Variants in HSDL2 observed in about 807,000 individuals in gnomAD.
The protein encoded by HSDL2 is hydroxysteroid dehydrogenase-like protein 2.
HSDL2 carries 27 observed loss-of-function variants against 46.3 expected under a neutral mutation model. The ratio of observed to expected loss-of-function variants is 0.58; its 90% confidence interval spans 0.43 to 0.80. The LOEUF (loss-of-function observed/expected upper bound fraction) is 0.80. Ranked by LOEUF, HSDL2 falls within the 30% of genes least tolerant of loss-of-function variation. The pLI is 0.00. For missense variants in HSDL2, 451 were observed against 502.7 expected (o/e 0.90, Z 0.98); for synonymous variants, 153 against 163.6 (o/e 0.94, Z 0.50).
intron 1 of HSDL2, among the ~76,000 whole-genome samples, chr9:112,384,425 G>A (rs1831175814): frequency 6.6e-6 from 1 of 152,156 alleles, no homozygotes; most frequent in Non-Finnish European, 1.5e-5. Context: ...TCTGAGTGAG[G>A]AAGAAAATGC....
chr9:112,391,203 T>TAATAATG (rs1831336816), intron 1 of HSDL2, among the ~76,000 whole-genome samples: 1 of 128,352 alleles, frequency 7.8e-6, no homozygotes. Flanking sequence ...TAATAATAAT[T>TAATAATG]TTCTATAATC....
In HSDL2 at chr9:112,457,904, A is replaced by G. The variant is rs114244917; in HGVS notation, c.1016-1545A>G. ...GAACTATCCCAACACCATCCTTACT[A>G]GCCCTCTGCATCCTTTTGATTTCTC... On this transcript the variant is annotated intron_variant, in intron 9 of 10. Coordinates refer to ENST00000398805, the MANE Select transcript of HSDL2 (RefSeq NM_032303.5). 7.3e-3 allele frequency among the ~76,000 whole-genome samples: 1,109 copies of G among 152,250 alleles called. 18 individuals are homozygous for G. The highest frequency in any genetic ancestry group is 0.025 in the African/African-American group (1,043 of 41,548).
At chr9:112,458,460 G>C (rs745560809) in intron 9 of HSDL2, among the ~76,000 whole-genome samples, 57 of 151,184 alleles carry the variant, frequency 3.8e-4, no homozygotes, top group Non-Finnish European at 7.5e-4. Context: ...CAAGTAGCTG[G>C]GATTATAGGC....
chr9:112,395,742 C>T (rs555291941), intron 1 of HSDL2, among the ~76,000 whole-genome samples: 3 of 152,302 alleles, frequency 2.0e-5, no homozygotes, highest in East Asian at 1.9e-4. Context: ...CATTAATGGC[C>T]CTTAAAGCAG....
Position 112,403,966 on chromosome 9 carries a change from CTAATAAGGTCG to C in HSDL2, c.18-26_18-16del. ...GTCAGTAAATAAAACATTGGGTCTT[CTAATAAGGTCG>C]TATTTGTTCTGTTGTAGGAGGCTGG... is the stretch of plus-strand genomic sequence containing the variant. On this transcript the variant is annotated intron_variant, in intron 1 of 10. Transcript: ENST00000398805. 1 of 1,598,996 alleles carries C rather than the reference CTAATAAGGTCG, an allele frequency of 6.3e-7. No homozygotes were observed. The highest frequency in any genetic ancestry group is 8.5e-7 in the Non-Finnish European group (1 of 1,170,020).
intron 7 of HSDL2, among the ~76,000 whole-genome samples, chr9:112,440,489 TTAAA>T (rs1044997005): frequency 1.3e-5 from 2 of 152,288 alleles, no homozygotes; most frequent in Non-Finnish European, 2.9e-5. Context: ...TTTGTGGCCT[TTAAA>T]TCTTCTAGTG....
In HSDL2 at chr9:112,470,554, TA is replaced by T. The variant is rs3832711; in HGVS notation, c.*19del. 2,100 of 1,486,318 alleles carry T rather than the reference TA, an allele frequency of 1.4e-3. 23 individuals are homozygous for T. In the East Asian group the frequency reaches 0.032, roughly 22 times the overall value. 92.1% of individuals were successfully genotyped at this position (1,486,318 alleles called of 1,614,324 possible). A position where few individuals can be genotyped will look rare whatever the true frequency, so the allele number is the denominator to read the frequency against. The stretch of plus-strand genomic sequence containing the variant: ...GAATGCCAGACTGTGAAGGAAAATA[TA>T]AAAAAAAAGTCGACTGCTATGCTCA... On this transcript the variant is annotated 3_prime_UTR_variant, in exon 11 of 11. Transcript: ENST00000398805.
chr9:112,457,761 C>T (rs1833075499), intron 9 of HSDL2, among the ~76,000 whole-genome samples: 1 of 152,188 alleles, frequency 6.6e-6, no homozygotes, highest in African/African-American at 2.4e-5. Context: ...CCACCTTTTC[C>T]TCTTCATATG....
At chr9:112,463,261 T>C (rs1212844167) in intron 10 of HSDL2, among the ~76,000 whole-genome samples, 2 of 762 alleles carry the variant, frequency 2.6e-3, no homozygotes, top group African/African-American at 0.026. Context: ...ATATTTAACT[T>C]TTTTTTTTTT....
intron 10 of HSDL2, among the ~76,000 whole-genome samples, chr9:112,463,775 C>T (rs144788588): frequency 8.5e-5 from 13 of 152,194 alleles, no homozygotes; most frequent in African/African-American, 3.1e-4. Flanking sequence ...ATTCTCATGT[C>T]TCAGCCTCCC....
At chr9:112,395,814 AAG>A (rs1831442720) in intron 1 of HSDL2, among the ~76,000 whole-genome samples, 1 of 152,216 alleles carries the variant, frequency 6.6e-6, no homozygotes, top group Non-Finnish European at 1.5e-5. Flanking sequence ...TCCAGGGGGA[AAG>A]AGGAGGTTCC....
intron 1 of HSDL2, among the ~76,000 whole-genome samples, chr9:112,384,695 A>G (rs928640571): frequency 6.6e-6 from 1 of 151,048 alleles, no homozygotes; most frequent in Non-Finnish European, 1.5e-5. Context: ...TATTTAAGGT[A>G]CTCACCGGCT....
Position 112,463,079 on chromosome 9 carries a change from ATGT to A in HSDL2, c.1144+3507_1144+3509del, listed in dbSNP as rs373752993. The stretch of plus-strand genomic sequence containing the variant: ...GTATTCCATTGTATGGATATACCAC[ATGT>A]TGTTTATTCACTCACCAGCTGATGG... On this transcript the variant is annotated intron_variant, in intron 10 of 10. Coordinates refer to ENST00000398805, the MANE Select transcript of HSDL2 (RefSeq NM_032303.5). 2.9e-3 allele frequency among the ~76,000 whole-genome samples: 447 copies of A among 152,190 alleles called. 4 individuals carry two copies. Among genetic ancestry groups the A allele is most frequent in the Middle Eastern group, 0.014 (4 of 294 alleles).
chr9:112,395,949 A>G (rs1448566696), intron 1 of HSDL2, among the ~76,000 whole-genome samples: 2 of 152,230 alleles, frequency 1.3e-5, no homozygotes, highest in Non-Finnish European at 2.9e-5. Context: ...GAACAGGATT[A>G]GGAGGCGTAG....
At chr9:112,447,026 T>C (rs1485419964) in intron 8 of HSDL2, among the ~76,000 whole-genome samples, 3 of 152,218 alleles carry the variant, frequency 2.0e-5, no homozygotes, top group Admixed American at 6.5e-5. Context: ...GCTGACTCCA[T>C]GTACCTTAGA....
chr9:112,463,907 C>G (rs1833291440), intron 10 of HSDL2, among the ~76,000 whole-genome samples: 1 of 152,002 alleles, frequency 6.6e-6, no homozygotes, highest in Non-Finnish European at 1.5e-5. Flanking sequence ...GTGATCTACC[C>G]ACCTCAGCCT....
At chr9:112,448,697 T>A (rs1832805560) in intron 8 of HSDL2, among the ~76,000 whole-genome samples, 1 of 136,046 alleles carries the variant, frequency 7.4e-6, no homozygotes, top group Admixed American at 7.9e-5. Flanking sequence ...GATTACAGGC[T>A]TGCCACCCAG....
chr9:112,407,451 C>CG (rs1253143390), intron 3 of HSDL2, among the ~76,000 whole-genome samples: 1 of 152,034 alleles, frequency 6.6e-6, no homozygotes, highest in African/African-American at 2.4e-5. Context: ...GGGTCTCACT[C>CG]TGTCACCCAG....
At chr9:112,459,666 C>T in intron 10 of HSDL2, 89 bp downstream of exon 10, 1 of 1,152,900 alleles carries the variant, frequency 8.7e-7, no homozygotes, top group Non-Finnish European at 1.3e-6. Context: ...ATAATCAAGA[C>T]TTGTAAATGT....
Sources: gnomAD v4.1 joint callset for allele counts (sites outside exome capture counted in the v4.1 genomes callset) on GRCh38, gnomAD v4.1.1 for gene constraint, MANE v1.5 for transcripts, NCBI Gene and HGNC (gene_info 2026-07-23, HGNC 2026-07-21) for gene names.